Variants in RBFOX2 observed in about 807,000 individuals in gnomAD.
RBFOX2 encodes the protein RNA binding fox-1 homolog 2.
A neutral mutation model predicts 49.1 loss-of-function variants in RBFOX2; 10 were observed. The observed-to-expected ratio is 0.20, with a 90% CI of 0.13 to 0.35. The LOEUF is 0.35. Ranked by LOEUF, RBFOX2 falls within the 10% of genes least tolerant of loss-of-function variation. RBFOX2 has a pLI of 1.00. For missense variants in RBFOX2, 323 were observed against 486.9 expected, an observed-to-expected ratio of 0.66 and a Z score of 3.17; for synonymous variants, 183 against 187.4, an observed-to-expected ratio of 0.98 and a Z score of 0.19.
upstream of RBFOX2, among the ~76,000 whole-genome samples, chr22:35,939,707 T>C (rs901862919): frequency 2.8e-4 from 43 of 152,176 alleles, no homozygotes; most frequent in African/African-American, 1.0e-3. Context: ...TGATAGCTAA[T>C]AAAAGCCATG....
At position 35,791,675 on chromosome 22, in the gene RBFOX2, T is replaced by G. The variant is rs576648600; in HGVS notation, c.253-9929A>C. Among the ~76,000 whole-genome samples the G allele has an allele frequency of 1.2e-4, 18 of 152,304 alleles. No homozygotes were observed. In the South Asian group the frequency reaches 2.5e-3, roughly 21 times the overall value. On this transcript the variant is annotated intron_variant, in intron 2 of 11. Transcript: ENST00000405409. ...AAACAGTTTAACTTGTAACTCTCATTATTTTACATACAAAAAACCAATCAT... is the reference window on the plus strand; with the variant it reads ...AAACAGTTTAACTTGTAACTCTCATGATTTTACATACAAAAAACCAATCAT...
At chr22:35,970,836 C>G (rs895072751) in intron 1 of RBFOX2, among the ~76,000 whole-genome samples, 1 of 152,178 alleles carries the variant, frequency 6.6e-6, no homozygotes, top group African/African-American at 2.4e-5. Flanking sequence ...ATCAGTACAA[C>G]AGCTGAGTGG....
chr22:35,774,443 A>T (rs1314169939), intron 4 of RBFOX2, among the ~76,000 whole-genome samples: 1 of 152,152 alleles, frequency 6.6e-6, no homozygotes, highest in African/African-American at 2.4e-5. Context: ...TACATTTTTA[A>T]AAGCCTAGTC....
chr22:36,011,357 C>G (rs2058814609), intron 1 of RBFOX2, among the ~76,000 whole-genome samples: 1 of 152,118 alleles, frequency 6.6e-6, no homozygotes, highest in Non-Finnish European at 1.5e-5. Flanking sequence ...CCTGGGATTT[C>G]ATGATTCCAT....
At chr22:35,829,207 G>A (rs1349893804) in intron 1 of RBFOX2, among the ~76,000 whole-genome samples, 2 of 152,018 alleles carry the variant, frequency 1.3e-5, no homozygotes. Flanking sequence ...CACAATGTAT[G>A]GCATCCAGTC....
intron 4 of RBFOX2, among the ~76,000 whole-genome samples, chr22:35,770,441 T>C (rs1389456695): frequency 6.6e-6 from 1 of 152,184 alleles, no homozygotes; most frequent in Non-Finnish European, 1.5e-5. Flanking sequence ...CAAATATACA[T>C]ACTAGTTTTT....
intron 1 of RBFOX2, among the ~76,000 whole-genome samples, chr22:36,019,546 A>G (rs1184656550): frequency 1.3e-5 from 2 of 152,252 alleles, no homozygotes; most frequent in East Asian, 1.9e-4. Context: ...ACAGTGGTTT[A>G]TAAGAGTATA....
intron 1 of RBFOX2, among the ~76,000 whole-genome samples, chr22:35,981,380 C>T (rs2057448299): frequency 1.3e-5 from 2 of 152,188 alleles, no homozygotes; most frequent in South Asian, 4.1e-4. Flanking sequence ...TGGTGGCTCA[C>T]ACCAGTAATC....
rs1332120851 is a variant in RBFOX2 at position 35,840,333 on chromosome 22, G to C, written c.-115C>G. On this transcript the variant is annotated 5_prime_UTR_variant, in exon 1 of 12. Coordinates refer to ENST00000405409, the Ensembl canonical transcript of RBFOX2. ...TCTAGCTATTTAAGGGTGGGTAATT[G>C]ATCTCTCTTTATACCGTTTTCCTTC... 1.6e-5 allele frequency: 24 copies of C among 1,538,116 alleles called. 1 individual carries two copies. Among genetic ancestry groups the C allele is most frequent in the South Asian group, 1.1e-4 (10 of 88,894 alleles).
At chr22:35,984,861 C>T (rs1244440219) in intron 1 of RBFOX2, among the ~76,000 whole-genome samples, 1 of 152,162 alleles carries the variant, frequency 6.6e-6, no homozygotes, top group Non-Finnish European at 1.5e-5. Flanking sequence ...AAGCTGAGTT[C>T]AAATGCCTCC....
At chr22:35,894,344 A>G (rs2047584376) in intron 1 of RBFOX2, among the ~76,000 whole-genome samples, 1 of 152,232 alleles carries the variant, frequency 6.6e-6, no homozygotes, top group Non-Finnish European at 1.5e-5. Context: ...ACTATTGTGA[A>G]GGATAGTAAA....
At chr22:35,897,869 T>C in intron 1 of RBFOX2, 1 of 732,268 alleles carries the variant, frequency 1.4e-6, no homozygotes, top group East Asian at 2.5e-5. Context: ...CTCAAATATC[T>C]AGAAGAGCTT....
chr22:35,762,394 T>C (rs1602296587), intron 6 of RBFOX2, among the ~76,000 whole-genome samples: 1 of 152,164 alleles, frequency 6.6e-6, no homozygotes, highest in East Asian at 1.9e-4. Flanking sequence ...AAATACTCTA[T>C]ATTATATATT....
chr22:36,028,146 C>A, intron 1 of RBFOX2, 94 bp downstream of exon 1: 1 of 1,330,076 alleles, frequency 7.5e-7, no homozygotes, highest in Non-Finnish European at 9.6e-7. Context: ...ACCCAGGACT[C>A]CCGGAGGCCC....
chr22:35,899,164 TAA>T (rs2048249129), intron 1 of RBFOX2, among the ~76,000 whole-genome samples: 1 of 150,598 alleles, frequency 6.6e-6, no homozygotes, highest in East Asian at 1.9e-4. Context: ...TAACATAACA[TAA>T]CATAACATAA....
chr22:35,988,031 G>T (rs887643807), intron 1 of RBFOX2, among the ~76,000 whole-genome samples: 2 of 152,182 alleles, frequency 1.3e-5, no homozygotes, highest in African/African-American at 4.8e-5. Flanking sequence ...GATGCTAACA[G>T]GCAGCCAAGA....
intron 1 of RBFOX2, among the ~76,000 whole-genome samples, chr22:35,856,696 G>C (rs1383924957): frequency 2.0e-5 from 3 of 151,820 alleles, no homozygotes; most frequent in African/African-American, 7.3e-5. Flanking sequence ...GACAGGGGGT[G>C]GAGGAGGAAG....
At chr22:35,920,041 C>T (rs1200020571) in intron 1 of RBFOX2, among the ~76,000 whole-genome samples, 1 of 152,170 alleles carries the variant, frequency 6.6e-6, no homozygotes, top group Non-Finnish European at 1.5e-5. Context: ...AGTGGCTAAA[C>T]ACCTGCCACA....
chr22:35,777,816 C>T (rs866191555), intron 4 of RBFOX2: 31 of 561,132 alleles, frequency 5.5e-5, no homozygotes, highest in African/African-American at 5.1e-4. Context: ...CTGCTTCTTA[C>T]TTCATCACCC....
Sources: gnomAD v4.1 joint callset for allele counts (sites outside exome capture counted in the v4.1 genomes callset) on GRCh38, gnomAD v4.1.1 for gene constraint, MANE v1.5 for transcripts, NCBI Gene and HGNC (gene_info 2026-07-23, HGNC 2026-07-21) for gene names.